NKAIN3: variants seen among roughly 807,000 people sequenced by gnomAD.
The protein encoded by NKAIN3 is sodium/potassium transporting ATPase interacting 3.
In NKAIN3, 25 loss-of-function variants were observed where a neutral mutation model predicts 30.2. The ratio of observed to expected loss-of-function variants is 0.83; its 90% CI spans 0.60 to 1.16. The LOEUF is 1.16. NKAIN3 is among the 50% of genes most tolerant of loss of function. The probability of loss-of-function intolerance (pLI) is 0.00; values close to 1 mark genes in which losing one functional copy is unlikely to be tolerated. For synonymous variants in NKAIN3, 91 were observed against 89.6 expected (o/e 1.02, Z -0.09); for missense variants, 225 against 254.1 (o/e 0.89, Z 0.78).
chr8:62,390,961 G>A (rs1264311285), intron 1 of NKAIN3, among the ~76,000 whole-genome samples: 1 of 152,132 alleles, frequency 6.6e-6, no homozygotes, highest in African/African-American at 2.4e-5. Flanking sequence ...CAGATGCATA[G>A]TTTGCAAAAT....
chr8:62,431,969 A>G (rs1805014898), intron 1 of NKAIN3, among the ~76,000 whole-genome samples: 1 of 143,614 alleles, frequency 7.0e-6, no homozygotes, highest in African/African-American at 2.7e-5. Context: ...TGTAGGAAAT[A>G]AGGGAGAATC....
At chr8:62,729,645 G>T (rs1006214233) in intron 3 of NKAIN3, among the ~76,000 whole-genome samples, 8 of 151,864 alleles carry the variant, frequency 5.3e-5, no homozygotes, top group African/African-American at 1.9e-4. Flanking sequence ...TTTAAACTTT[G>T]TATAACTGAA....
chr8:62,454,473 G>A (rs2129599039), intron 1 of NKAIN3, among the ~76,000 whole-genome samples: 1 of 152,182 alleles, frequency 6.6e-6, no homozygotes, highest in South Asian at 2.1e-4. Context: ...AAGATTCAGA[G>A]AAATTCACAA....
intron 4 of NKAIN3, among the ~76,000 whole-genome samples, chr8:62,781,767 A>G (rs1563558732): frequency 6.6e-6 from 1 of 151,986 alleles, no homozygotes; most frequent in Non-Finnish European, 1.5e-5. Context: ...ACAAAAGTCA[A>G]CTCAAGATGG....
At chr8:62,819,154 T>TATATATATAC (rs57078633) in intron 4 of NKAIN3, among the ~76,000 whole-genome samples, 1,023 of 32,600 alleles carry the variant, frequency 0.031, 11 homozygotes, top group African/African-American at 0.075. Context: ...TATATATACA[T>TATATATATAC]ATATATATAT....
chr8:62,958,528 A>G lies in NKAIN3; in HGVS notation c.603+4556A>G, dbSNP rs757114857. On this transcript the variant is annotated intron_variant, in intron 6 of 6. Coordinates refer to ENST00000623646, the MANE Select transcript of NKAIN3 (RefSeq NM_001304533.3). ...ACTGCTCTTATCATCAGAACCCAGA[A>G]CCCAGTGGTCAGCAGCAGTGGCTCT... Among the ~76,000 whole-genome samples the G allele has an allele frequency of 6.6e-5, 10 of 152,214 alleles. No homozygotes were observed. The South Asian group carries it at 1.9e-3, about 28-fold the overall frequency.
Position 62,595,473 on chromosome 8 carries a change from G to C in NKAIN3, c.273+5679G>C, listed in dbSNP as rs1178108533. Among the ~76,000 whole-genome samples the C allele has an allele frequency of 2.0e-5, 3 of 148,570 alleles. No homozygotes were observed. In the South Asian group the frequency reaches 6.4e-4, roughly 32 times the overall value. ...CCATACAAAGGGAGGGGACCCAAAG[G>C]GGGTTGCCATTGCCAGCTCCAATAC... is the stretch of plus-strand genomic sequence containing the variant. On this transcript the variant is annotated intron_variant, in intron 3 of 6. Coordinates refer to ENST00000623646, the MANE Select transcript of NKAIN3 (RefSeq NM_001304533.3).
intron 1 of NKAIN3, among the ~76,000 whole-genome samples, chr8:62,261,709 G>T (rs1812449413): frequency 6.6e-6 from 1 of 152,136 alleles, no homozygotes; most frequent in South Asian, 2.1e-4. Context: ...AAGGCTTCAG[G>T]AAGGTGATTT....
chr8:62,298,522 C>T (rs1206195406), intron 1 of NKAIN3, among the ~76,000 whole-genome samples: 1 of 152,030 alleles, frequency 6.6e-6, no homozygotes, highest in African/African-American at 2.4e-5. Context: ...CCACTTCCCT[C>T]CCTGGCATGA....
chr8:62,582,573 G>A (rs1467585607), intron 2 of NKAIN3, among the ~76,000 whole-genome samples: 1 of 152,090 alleles, frequency 6.6e-6, no homozygotes, highest in Non-Finnish European at 1.5e-5. Context: ...AAGTGTGAGA[G>A]TGAGTCCACA....
chr8:62,923,357 A>T (rs1297173190), intron 5 of NKAIN3, among the ~76,000 whole-genome samples: 1 of 152,086 alleles, frequency 6.6e-6, no homozygotes, highest in Admixed American at 6.5e-5. Flanking sequence ...ATATTTGTTG[A>T]GTTTATAGTG....
At position 62,553,220 on chromosome 8, in the gene NKAIN3, G is replaced by A. The variant is rs185858842; in HGVS notation, c.55-26319G>A. Among the ~76,000 whole-genome samples the A allele has an allele frequency of 5.3e-3, 808 of 151,950 alleles. 6 individuals are homozygous for A. The highest frequency in any genetic ancestry group is 0.017 in the African/African-American group (710 of 41,396). On this transcript the variant is annotated intron_variant, in intron 1 of 6. Coordinates refer to ENST00000623646, the MANE Select transcript of NKAIN3 (RefSeq NM_001304533.3). ...CCATTCTCCTTATTTCATTCAACTC[G>A]TGTCAATACCCACTTTATTTATTAC...
chr8:62,916,475 T>A (rs975516822), intron 4 of NKAIN3, among the ~76,000 whole-genome samples: 3 of 152,198 alleles, frequency 2.0e-5, no homozygotes, highest in Admixed American at 2.0e-4. Context: ...GTTTACTGAA[T>A]GGGTTGGTAG....
intron 1 of NKAIN3, among the ~76,000 whole-genome samples, chr8:62,389,158 A>C (rs1352768794): frequency 1.3e-5 from 2 of 152,218 alleles, no homozygotes; most frequent in South Asian, 4.1e-4. Flanking sequence ...CAGGAAAATA[A>C]GAGCTGCAAT....
intron 3 of NKAIN3, among the ~76,000 whole-genome samples, chr8:62,651,609 T>C (rs889371145): frequency 3.3e-4 from 50 of 152,214 alleles, no homozygotes; most frequent in Admixed American, 3.0e-3. Context: ...TTTTGGTTCA[T>C]GGATAGCACT....
chr8:62,962,199 A>G (rs1823588552), intron 6 of NKAIN3, among the ~76,000 whole-genome samples: 1 of 152,246 alleles, frequency 6.6e-6, no homozygotes, highest in South Asian at 2.1e-4. Flanking sequence ...TAGAAAGAAA[A>G]AAGACACTTA....
chr8:62,275,914 T>C (rs565879860), intron 1 of NKAIN3, among the ~76,000 whole-genome samples: 2 of 152,262 alleles, frequency 1.3e-5, no homozygotes, highest in South Asian at 4.1e-4. Context: ...ATAAACTTAT[T>C]GAGGCTGTAA....
chr8:62,849,285 T>G lies in NKAIN3; in HGVS notation c.472-69168T>G, dbSNP rs1181089432. Among the ~76,000 whole-genome samples the G allele has an allele frequency of 1.8e-4, 25 of 138,468 alleles. No homozygotes were observed. In the Admixed American group the frequency reaches 2.0e-3, roughly 11 times the overall value. The allele number at this position is 138,468 out of a possible 152,430, so 90.8% of individuals were successfully genotyped here. A position where few individuals can be genotyped will look rare whatever the true frequency, so the allele number is the denominator to read the frequency against. ...GCTAGAATTCAGATGTGAATTCATC[T>G]GGTCCTGGGCTTTTTTTTTTTTTTT... On this transcript the variant is annotated intron_variant, in intron 4 of 6. Transcript: ENST00000623646.
intron 4 of NKAIN3, among the ~76,000 whole-genome samples, chr8:62,892,915 G>A (rs1276377775): frequency 6.6e-6 from 1 of 152,104 alleles, no homozygotes; most frequent in Non-Finnish European, 1.5e-5. Context: ...TCAATTTCAT[G>A]ACCTAAAAAA....
Sources: gnomAD v4.1 joint callset for allele counts (sites outside exome capture counted in the v4.1 genomes callset) on GRCh38, gnomAD v4.1.1 for gene constraint, MANE v1.5 for transcripts, NCBI Gene and HGNC (gene_info 2026-07-23, HGNC 2026-07-21) for gene names.